Variants in MME observed in about 807,000 individuals in gnomAD.
MME encodes the protein neprilysin.
Under a neutral mutation model 113.2 loss-of-function variants are expected in MME, and 98 were observed. The observed-to-expected ratio is 0.87, with a 90% CI of 0.74 to 1.02. The LOEUF is 1.02. MME is among the 50% of genes least tolerant of loss of function. The probability of loss-of-function intolerance (pLI) is 0.00; values close to 1 mark genes in which losing one functional copy is unlikely to be tolerated. For missense variants in MME, 836 were observed against 896.0 expected (o/e 0.93, Z 0.86); for synonymous variants, 292 against 300.6 (o/e 0.97, Z 0.30).
chr3:155,110,547 A>G (rs1387165190), intron 3 of MME, among the ~76,000 whole-genome samples: 1 of 152,222 alleles, frequency 6.6e-6, no homozygotes, highest in African/African-American at 2.4e-5. Flanking sequence ...GAATGTTACA[A>G]GAAGATTAGT....
At chr3:155,112,533 G>A (rs978009441) in intron 3 of MME, 1 of 152,176 alleles carries the variant, frequency 6.6e-6, no homozygotes, top group Non-Finnish European at 1.5e-5. Context: ...CAAAAGGATG[G>A]TATTGAAAAC....
intron 1 of MME, among the ~76,000 whole-genome samples, chr3:155,046,218 T>A (rs905753903): frequency 2.0e-5 from 3 of 152,190 alleles, no homozygotes; most frequent in Non-Finnish European, 4.4e-5. Flanking sequence ...TTTCAACTTA[T>A]CTTAAAGTTT....
chr3:155,140,238 C>T lies in MME; in HGVS notation c.903C>T (p.Asn301=). 3 of 1,612,874 alleles carry T rather than the reference C, an allele frequency of 1.9e-6. No individual in the cohort carries two copies. The highest frequency in any genetic ancestry group is 2.5e-6 in the Non-Finnish European group (3 of 1,179,334). Residue 301 remains asparagine, a synonymous_variant, in exon 10 of 23, where the codon AAC becomes AAT. Transcript: ENST00000360490. The stretch of plus-strand genomic sequence containing the variant: ...GAAATGATCCAATGCTTCTGTATAA[C>T]AAGATGACATTGGCCCAGATCCAAA... The part of the protein sequence containing the change: ...EDRNDPMLLY[N]KMTLAQIQNN...
At position 155,118,593 on chromosome 3, in the gene MME, A is replaced by T. The variant is rs9819906; in HGVS notation, c.655-153A>T. 0.025 allele frequency among the ~76,000 whole-genome samples: 3,843 copies of T among 152,272 alleles called. 156 individuals carry two copies. The highest frequency in any genetic ancestry group is 0.088 in the African/African-American group (3,658 of 41,536). Reference sequence around the variant, plus strand: ...AACACTTACAAGTAGTGTAGAAAGCATTTCCTAACTAGGTATTTATTGAGT... The same window carrying T: ...AACACTTACAAGTAGTGTAGAAAGCTTTTCCTAACTAGGTATTTATTGAGT... On this transcript the variant is annotated intron_variant, in intron 7 of 22. Transcript: ENST00000360490.
intron 1 of MME, among the ~76,000 whole-genome samples, chr3:155,064,326 G>A (rs1002054961): frequency 1.8e-4 from 27 of 152,000 alleles, no homozygotes; most frequent in Non-Finnish European, 2.8e-4. Flanking sequence ...ACAAATATAT[G>A]TATATATGTA....
intron 20 of MME, 148 bp downstream of exon 20, chr3:155,168,945 G>A: frequency 1.5e-6 from 1 of 674,702 alleles, no homozygotes; most frequent in Non-Finnish European, 2.6e-6. Context: ...AAGAAAGAGT[G>A]GTGAATATGC....
intron 1 of MME, among the ~76,000 whole-genome samples, chr3:155,028,121 T>C (rs946531785): frequency 1.3e-5 from 2 of 152,200 alleles, no homozygotes; most frequent in Non-Finnish European, 2.9e-5. Flanking sequence ...ATGCCTATTA[T>C]CATGCACCTT....
chr3:155,140,706 G>A (rs530833092), intron 10 of MME, among the ~76,000 whole-genome samples: 4 of 151,990 alleles, frequency 2.6e-5, no homozygotes, highest in Admixed American at 2.6e-4. Context: ...ACTCTTAGCT[G>A]GTAAAATTCC....
At chr3:155,090,495 C>T (rs770824297) in intron 3 of MME, 1 of 151,934 alleles carries the variant, frequency 6.6e-6, no homozygotes, top group African/African-American at 2.4e-5. Flanking sequence ...AAAAATAAAA[C>T]GATTATAATA....
At chr3:155,061,524 G>C (rs1006826789) in intron 1 of MME, among the ~76,000 whole-genome samples, 1 of 151,844 alleles carries the variant, frequency 6.6e-6, no homozygotes, top group African/African-American at 2.4e-5. Flanking sequence ...TGACAGAGGG[G>C]AAAGCTAAAA....
At chr3:155,160,490 G>T in intron 17 of MME, 42 bp downstream of exon 17, 1 of 1,349,056 alleles carries the variant, frequency 7.4e-7, no homozygotes, top group South Asian at 1.2e-5. Context: ...TTTCTCTATC[G>T]TTCCCAACCT....
chr3:155,121,315 G>A (rs1400860115), intron 8 of MME, among the ~76,000 whole-genome samples: 2 of 148,042 alleles, frequency 1.4e-5, no homozygotes, highest in East Asian at 4.0e-4. Context: ...GGAGATTTTG[G>A]GCTGAGACAA....
chr3:155,072,809 T>C (rs539221523), intron 1 of MME, among the ~76,000 whole-genome samples: 1 of 152,332 alleles, frequency 6.6e-6, no homozygotes, highest in Admixed American at 6.5e-5. Flanking sequence ...AGTCATGTGT[T>C]TCTTTAAAAA....
chr3:155,152,718 G>A (rs377667701), intron 16 of MME, among the ~76,000 whole-genome samples: 3 of 152,072 alleles, frequency 2.0e-5, no homozygotes, highest in Admixed American at 2.0e-4. Flanking sequence ...CCATGCAGCT[G>A]TAATGCCAGC....
intron 16 of MME, among the ~76,000 whole-genome samples, chr3:155,157,277 G>A (rs1392064269): frequency 6.6e-6 from 1 of 152,064 alleles, no homozygotes; most frequent in Non-Finnish European, 1.5e-5. Context: ...GCCCACATTT[G>A]TATGCATACA....
chr3:155,043,651 C>T (rs1713437091), intron 1 of MME, among the ~76,000 whole-genome samples: 2 of 152,018 alleles, frequency 1.3e-5, no homozygotes, highest in East Asian at 3.9e-4. Flanking sequence ...TATTTTTCTT[C>T]ACCCATTTGC....
At chr3:155,150,202 A>G (rs546145889) in intron 16 of MME, among the ~76,000 whole-genome samples, 1 of 152,322 alleles carries the variant, frequency 6.6e-6, no homozygotes, top group East Asian at 1.9e-4. Flanking sequence ...ATAGGACATC[A>G]GGAAATTTCT....
At chr3:155,143,695 G>GCCT in intron 13 of MME, 124 bp downstream of exon 13, 1 of 1,129,848 alleles carries the variant, frequency 8.9e-7, no homozygotes, top group East Asian at 2.6e-5. Flanking sequence ...GAGAACCTCT[G>GCCT]AATCATAATA....
At chr3:155,132,856 C>T (rs1720244654) in intron 8 of MME, among the ~76,000 whole-genome samples, 1 of 151,236 alleles carries the variant, frequency 6.6e-6, no homozygotes, top group Non-Finnish European at 1.5e-5. Context: ...GAGTTCAAGA[C>T]CAGCCTGACC....
Sources: gnomAD v4.1 joint callset for allele counts (sites outside exome capture counted in the v4.1 genomes callset) on GRCh38, gnomAD v4.1.1 for gene constraint, MANE v1.5 for transcripts, NCBI Gene and HGNC (gene_info 2026-07-23, HGNC 2026-07-21) for gene names.